The following BMERB1 variants were observed in gnomAD, a reference collection of about 807,000 sequenced individuals.
BMERB1 encodes the protein bMERB domain containing 1.
Under a neutral mutation model 23.6 loss-of-function variants are expected in BMERB1, and 12 were observed. The ratio of observed to expected loss-of-function variants is 0.51; its 90% CI spans 0.33 to 0.82. The LOEUF is 0.82. Among genes scored for constraint, BMERB1 ranks in the 40% least tolerant of loss-of-function variants. The pLI is 0.03. For missense variants in BMERB1, 247 were observed against 255.4 expected, an observed-to-expected ratio of 0.97 and a Z score of 0.22; for synonymous variants, 122 against 96.6, an observed-to-expected ratio of 1.26 and a Z score of -1.54.
chr16:15,564,410 C>T (rs1049533807), intron 2 of BMERB1, among the ~76,000 whole-genome samples: 12 of 152,012 alleles, frequency 7.9e-5, no homozygotes, highest in African/African-American at 2.4e-4. Flanking sequence ...GCCATTATTC[C>T]GAGCTAAATA....
At chr16:15,452,732 T>C (rs1224294260) in intron 1 of BMERB1, among the ~76,000 whole-genome samples, 2 of 152,064 alleles carry the variant, frequency 1.3e-5, no homozygotes, top group African/African-American at 2.4e-5. Context: ...ACAATGGTGG[T>C]TGGGAGAAGC....
At chr16:15,437,974 G>C (rs1160509306) in intron 1 of BMERB1, among the ~76,000 whole-genome samples, 1 of 151,722 alleles carries the variant, frequency 6.6e-6, no homozygotes. Context: ...AAAGAGTCTG[G>C]TATAAAGTCC....
chr16:15,450,066 C>T (rs2051028670), intron 1 of BMERB1, among the ~76,000 whole-genome samples: 1 of 151,726 alleles, frequency 6.6e-6, no homozygotes, highest in African/African-American at 2.4e-5. Context: ...TACACTTTTT[C>T]TGTACAAGGA....
chr16:15,587,111 A>C lies in BMERB1; in HGVS notation c.*282A>C. ...ACACCAGGAAAGGTCCTCCCTCAAA[A>C]AAGCATATCTCCACTTCTCTCTAGC... On this transcript the variant is annotated 3_prime_UTR_variant, in exon 6 of 6. Transcript: ENST00000300006. 1 of 433,046 alleles carries C rather than the reference A, an allele frequency of 2.3e-6. No homozygotes were observed. The highest frequency in any genetic ancestry group is 4.1e-6 in the Non-Finnish European group (1 of 241,710). 26.8% of individuals were successfully genotyped at this position (433,046 alleles called of 1,614,324 possible). A position where few individuals can be genotyped will look rare whatever the true frequency, so the allele number is the denominator to read the frequency against.
At chr16:15,522,550 A>C (rs2051866043) in intron 2 of BMERB1, among the ~76,000 whole-genome samples, 1 of 152,170 alleles carries the variant, frequency 6.6e-6, no homozygotes, top group Admixed American at 6.5e-5. Context: ...TATAATCCTC[A>C]CTATCACCAT....
At chr16:15,451,283 C>T (rs573212706) in intron 1 of BMERB1, among the ~76,000 whole-genome samples, 4 of 152,154 alleles carry the variant, frequency 2.6e-5, no homozygotes, top group East Asian at 1.9e-4. Context: ...CCCTACCTTC[C>T]GTGTTCAAAC....
At chr16:15,514,074 C>T (rs1272629615) in intron 1 of BMERB1, among the ~76,000 whole-genome samples, 1 of 151,668 alleles carries the variant, frequency 6.6e-6, no homozygotes, top group Non-Finnish European at 1.5e-5. Flanking sequence ...AGTTTGAGAC[C>T]AACCTTGGCA....
At chr16:15,470,627 G>A (rs1397280850) in intron 1 of BMERB1, among the ~76,000 whole-genome samples, 2 of 151,602 alleles carry the variant, frequency 1.3e-5, no homozygotes, top group Non-Finnish European at 2.9e-5. Flanking sequence ...TCAGGTTCAA[G>A]CGATTCCCCT....
At chr16:15,576,396 C>T (rs770326066) in intron 3 of BMERB1, among the ~76,000 whole-genome samples, 2 of 152,146 alleles carry the variant, frequency 1.3e-5, no homozygotes, top group South Asian at 2.1e-4. Context: ...TAAGCAGGGA[C>T]GGTTAGGAAC....
At chr16:15,435,037 G>C (rs953968144) in intron 1 of BMERB1, among the ~76,000 whole-genome samples, 2 of 152,256 alleles carry the variant, frequency 1.3e-5, no homozygotes, top group African/African-American at 2.4e-5. Context: ...TCCCGGATCC[G>C]TCAGCTCGCA....
chr16:15,481,591 G>A (rs1224960157), intron 1 of BMERB1, among the ~76,000 whole-genome samples: 1 of 151,990 alleles, frequency 6.6e-6, no homozygotes, highest in Admixed American at 6.5e-5. Context: ...CTGAGAAGAG[G>A]AGTGGGATTG....
chr16:15,502,284 T>TC (rs2051538132), intron 1 of BMERB1: 1 of 1,551,234 alleles, frequency 6.4e-7, no homozygotes, highest in East Asian at 2.4e-5. Flanking sequence ...ATAGCCAGGA[T>TC]GTGAAGCCTG....
intron 1 of BMERB1, among the ~76,000 whole-genome samples, chr16:15,454,061 C>G (rs997906923): frequency 9.9e-5 from 15 of 152,036 alleles, no homozygotes; most frequent in African/African-American, 3.1e-4. Context: ...TCTCACACAT[C>G]TCTGCTCTCT....
At chr16:15,548,280 C>T (rs916968222) in intron 2 of BMERB1, among the ~76,000 whole-genome samples, 7 of 152,148 alleles carry the variant, frequency 4.6e-5, no homozygotes, top group Non-Finnish European at 7.3e-5. Context: ...CCACTGCACC[C>T]GCCCTGTGCG....
intron 1 of BMERB1, among the ~76,000 whole-genome samples, chr16:15,472,969 C>G (rs1011220287): frequency 6.7e-6 from 1 of 150,314 alleles, no homozygotes; most frequent in Non-Finnish European, 1.5e-5. Flanking sequence ...AAGCAGTTCT[C>G]ATGCCTCAGC....
chr16:15,451,045 T>G (rs903343995), intron 1 of BMERB1, among the ~76,000 whole-genome samples: 2 of 152,116 alleles, frequency 1.3e-5, no homozygotes, highest in Non-Finnish European at 2.9e-5. Context: ...TAAAGCCTCA[T>G]GCATGAAACT....
intron 3 of BMERB1, among the ~76,000 whole-genome samples, chr16:15,577,896 A>C (rs1437435319): frequency 6.6e-6 from 1 of 152,168 alleles, no homozygotes; most frequent in African/African-American, 2.4e-5. Flanking sequence ...GCTTGAGCCC[A>C]GTTGCCCAAC....
In BMERB1 at chr16:15,504,747, C is replaced by T. The variant is rs904453263; in HGVS notation, c.107-10558C>T. Among the ~76,000 whole-genome samples, 4 of 151,416 alleles carry T rather than the reference C, an allele frequency of 2.6e-5. No individual in the cohort carries two copies. In the East Asian group the frequency reaches 7.7e-4, roughly 29 times the overall value. ...GGATTACAGACATGAGCCACCACAT[C>T]CAGCCACATTTTCTAGAAATATAAA... On this transcript the variant is annotated intron_variant, in intron 1 of 5. Coordinates refer to ENST00000300006, the MANE Select transcript of BMERB1 (RefSeq NM_033201.3).
intron 1 of BMERB1, among the ~76,000 whole-genome samples, chr16:15,508,785 C>T (rs1264102674): frequency 6.8e-6 from 1 of 146,068 alleles, no homozygotes; most frequent in African/African-American, 2.6e-5. Context: ...AAGATCATGC[C>T]ACTGCAATCC....
Sources: gnomAD v4.1 joint callset for allele counts (sites outside exome capture counted in the v4.1 genomes callset) on GRCh38, gnomAD v4.1.1 for gene constraint, MANE v1.5 for transcripts, NCBI Gene and HGNC (gene_info 2026-07-23, HGNC 2026-07-21) for gene names.